Variants in CDH18 observed in about 807,000 individuals in gnomAD.
CDH18 encodes cadherin-18.
Under a neutral mutation model 67.9 loss-of-function variants are expected in CDH18, and 31 were observed. The observed-to-expected ratio is 0.46, with a 90% CI of 0.34 to 0.62. The LOEUF is 0.62. Ranked by LOEUF, CDH18 falls within the 20% of genes least tolerant of loss-of-function variation. The probability of loss-of-function intolerance (pLI) is 0.01; values close to 1 mark genes in which losing one functional copy is unlikely to be tolerated. For synonymous variants in CDH18, 362 were observed against 347.2 expected, an observed-to-expected ratio of 1.04 and a Z score of -0.48; for missense variants, 890 against 975.5, an observed-to-expected ratio of 0.91 and a Z score of 1.17.
At position 19,549,125 on chromosome 5, in the gene CDH18, AT is replaced by A. The variant is rs1736879866; in HGVS notation, c.1254-5121del. Among the ~76,000 whole-genome samples, 3 of 152,162 alleles carry A rather than the reference AT, an allele frequency of 2.0e-5. No individual in the cohort carries two copies. In the South Asian group the frequency reaches 6.2e-4, roughly 32 times the overall value. On this transcript the variant is annotated intron_variant, in intron 8 of 12. Transcript: ENST00000382275. ...AATGTTTTTCCTTTCTGAATCTCAT[AT>A]TAAAAGCTAATTCCCAATATTGGAG... is the stretch of plus-strand genomic sequence containing the variant.
intron 1 of CDH18, among the ~76,000 whole-genome samples, chr5:20,265,945 C>T (rs3925241): frequency 0.46 from 70,079 of 152,034 alleles, 16,296 homozygotes; most frequent in African/African-American, 0.52. Flanking sequence ...ACCAAATCTA[C>T]TGAAGATCTA....
chr5:20,010,821 G>A (rs1421709758), intron 2 of CDH18, among the ~76,000 whole-genome samples: 3 of 152,042 alleles, frequency 2.0e-5, no homozygotes, highest in Non-Finnish European at 4.4e-5. Flanking sequence ...AATCTTGTCA[G>A]AGACCAGAAT....
chr5:20,375,347 G>C (rs907960077), intron 1 of CDH18, among the ~76,000 whole-genome samples: 1 of 152,138 alleles, frequency 6.6e-6, no homozygotes, highest in Non-Finnish European at 1.5e-5. Flanking sequence ...ATGATGTTTG[G>C]AAAGCAGAAT....
At chr5:20,331,258 A>G (rs1739146656) in intron 1 of CDH18, 1 of 152,162 alleles carries the variant, frequency 6.6e-6, no homozygotes, top group Non-Finnish European at 1.5e-5. Flanking sequence ...ACCTTTTTGC[A>G]TAACAATATG....
intron 1 of CDH18, among the ~76,000 whole-genome samples, chr5:20,274,004 G>A (rs969670502): frequency 6.6e-6 from 1 of 152,118 alleles, no homozygotes; most frequent in Non-Finnish European, 1.5e-5. Context: ...AGAGAAGAGG[G>A]ATACAGGTGG....
rs189032137 is a variant in CDH18, at chr5:19,697,353, T to C, written c.643+23994A>G. Among the ~76,000 whole-genome samples, 19 of 152,282 alleles carry C rather than the reference T, an allele frequency of 1.2e-4. 1 individual carries two copies. The East Asian group carries it at 3.7e-3, about 29-fold the overall frequency. On this transcript the variant is annotated intron_variant, in intron 5 of 12. Coordinates refer to ENST00000382275, the MANE Select transcript of CDH18 (RefSeq NM_004934.5). ...GCATATTTAATATAGCTCATATAAATAGAACTACATAAAACTGATGCATTA... is the reference window on the plus strand; with the variant it reads ...GCATATTTAATATAGCTCATATAAACAGAACTACATAAAACTGATGCATTA...
intron 1 of CDH18, among the ~76,000 whole-genome samples, chr5:20,456,123 A>G (rs2063221): frequency 0.71 from 107,156 of 151,862 alleles, 38,694 homozygotes; most frequent in Admixed American, 0.83. Context: ...ACCAAAACCT[A>G]GTAAAATTTT....
intron 2 of CDH18, among the ~76,000 whole-genome samples, chr5:19,969,507 T>G (rs542815014): frequency 1.1e-3 from 169 of 149,860 alleles, no homozygotes; most frequent in African/African-American, 4.1e-3. Context: ...TGGAATACTA[T>G]GCAGCCATAA....
intron 5 of CDH18, among the ~76,000 whole-genome samples, chr5:19,628,879 G>C (rs1751974537): frequency 6.6e-6 from 1 of 151,598 alleles, no homozygotes. Context: ...ACATAAGATT[G>C]AGAGAAAAGG....
intron 1 of CDH18, among the ~76,000 whole-genome samples, chr5:20,356,595 G>A (rs1474037305): frequency 6.6e-6 from 1 of 151,648 alleles, no homozygotes; most frequent in Non-Finnish European, 1.5e-5. Flanking sequence ...TATCAGATAG[G>A]AAAATACATT....
intron 3 of CDH18, among the ~76,000 whole-genome samples, chr5:19,807,961 C>T (rs1778206143): frequency 2.0e-5 from 3 of 152,038 alleles, no homozygotes; most frequent in Non-Finnish European, 4.4e-5. Context: ...GAACACAGGT[C>T]ACTGTGCATT....
chr5:20,271,906 C>T (rs1745462076), intron 1 of CDH18, among the ~76,000 whole-genome samples: 1 of 136,134 alleles, frequency 7.3e-6, no homozygotes, highest in African/African-American at 2.6e-5. Context: ...ATAACATCTG[C>T]CACTTGCTGT....
chr5:19,940,029 A>T (rs993014705), intron 2 of CDH18, among the ~76,000 whole-genome samples: 8 of 151,784 alleles, frequency 5.3e-5, no homozygotes, highest in Non-Finnish European at 1.0e-4. Context: ...AGAAAAGCTG[A>T]ATGTTTTCAA....
chr5:20,429,444 A>G (rs1748569772), intron 1 of CDH18, among the ~76,000 whole-genome samples: 1 of 152,154 alleles, frequency 6.6e-6, no homozygotes, highest in African/African-American at 2.4e-5. Context: ...AATTTGATCT[A>G]CTTTATGATT....
rs1780871682 is a variant in CDH18, at chr5:19,830,288, C to T, written c.228+8471G>A. Among the ~76,000 whole-genome samples, 7 of 152,080 alleles carry T rather than the reference C, an allele frequency of 4.6e-5. No homozygotes were observed. The South Asian group carries it at 1.0e-3, about 23-fold the overall frequency. On this transcript the variant is annotated intron_variant, in intron 3 of 12. Transcript: ENST00000382275. Reference sequence around the variant, plus strand: ...TGGGAGAAAATATTTAGAAACTATGCATCACACAACGGTCTAATATCCAGA... The same window carrying T: ...TGGGAGAAAATATTTAGAAACTATGTATCACACAACGGTCTAATATCCAGA...
intron 5 of CDH18, among the ~76,000 whole-genome samples, chr5:19,704,580 G>A (rs147135034): frequency 6.6e-6 from 1 of 152,092 alleles, no homozygotes; most frequent in Non-Finnish European, 1.5e-5. Context: ...GAAAGACAAA[G>A]TTCCCGCCAA....
At chr5:19,708,878 G>A (rs1561108522) in intron 5 of CDH18, among the ~76,000 whole-genome samples, 1 of 152,010 alleles carries the variant, frequency 6.6e-6, no homozygotes, top group Non-Finnish European at 1.5e-5. Flanking sequence ...GTATATTTCA[G>A]TGTGTGTGTG....
chr5:20,519,819 G>C (rs1384761795), intron 1 of CDH18, among the ~76,000 whole-genome samples: 1 of 151,586 alleles, frequency 6.6e-6, no homozygotes, highest in Non-Finnish European at 1.5e-5. Flanking sequence ...GATCAGGTCA[G>C]ACTTCTTGTT....
intron 3 of CDH18, among the ~76,000 whole-genome samples, chr5:19,826,869 C>A (rs577191042): frequency 6.6e-6 from 1 of 151,966 alleles, no homozygotes; most frequent in Non-Finnish European, 1.5e-5. Context: ...CAGGATGAAA[C>A]CTGCACATAT....
Sources: allele counts gnomAD v4.1 joint callset (sites outside exome capture counted in the v4.1 genomes callset), GRCh38; gene constraint gnomAD v4.1.1; transcripts MANE v1.5; gene names NCBI Gene and HGNC (gene_info 2026-07-23, HGNC 2026-07-21).